Variants in LMF1 observed in about 807,000 individuals in gnomAD.
The protein encoded by LMF1 is lipase maturation factor 1, also known as transmembrane protein 112.
Under a neutral mutation model 60.6 loss-of-function variants are expected in LMF1, and 68 were observed. The observed-to-expected ratio is 1.12, with a 90% CI of 0.92 to 1.37. The LOEUF (loss-of-function observed/expected upper bound fraction) is 1.37. Ranked by LOEUF, LMF1 falls within the 40% of genes most tolerant of loss-of-function variation. The probability of loss-of-function intolerance (pLI) is 0.00; values close to 1 mark genes in which losing one functional copy is unlikely to be tolerated. For missense variants in LMF1, 948 were observed against 767.2 expected (o/e 1.24, Z -2.78); for synonymous variants, 418 against 324.7 (o/e 1.29, Z -3.09).
At chr16:912,531 G>T (rs1445986739) in intron 3 of LMF1, among the ~76,000 whole-genome samples, 2 of 152,234 alleles carry the variant, frequency 1.3e-5, no homozygotes, top group Non-Finnish European at 2.9e-5. Context: ...AAGCAGATCG[G>T]CGTGAGTGGA....
rs1414737004 is a variant in LMF1 at position 854,559 on chromosome 16, A to G, written c.1677T>C (p.Arg559=). ...LEELRPYFRD[R]GWPLPGPL ...AGAGGGGCCCGGGCAGAGGCCACCC[A>G]CGGTCCCTGAAGTAGGGCCTCAGCT... Residue 559 remains arginine (R), a synonymous_variant, in exon 11 of 11, where the codon CGT becomes CGC. Coordinates refer to ENST00000262301, the MANE Select transcript of LMF1 (RefSeq NM_022773.4). The G allele has an allele frequency of 2.5e-6, 4 of 1,608,480 alleles. No individual in the cohort carries two copies. Among genetic ancestry groups the G allele is most frequent in the South Asian group, 1.1e-5 (1 of 90,548 alleles).
chr16:873,796 T>C (rs1051687849), intron 6 of LMF1: 1 of 152,476 alleles, frequency 6.6e-6, no homozygotes, highest in African/African-American at 2.4e-5. Flanking sequence ...TGCTGAGGTC[T>C]AACACCAGTC....
At chr16:943,786 T>C (rs1265377480) in intron 2 of LMF1, among the ~76,000 whole-genome samples, 2 of 151,222 alleles carry the variant, frequency 1.3e-5, no homozygotes, top group Non-Finnish European at 2.9e-5. Context: ...TGTGTATCTG[T>C]AATGGCTGCC....
chr16:966,098 G>A (rs148600370), intron 1 of LMF1, among the ~76,000 whole-genome samples: 14 of 152,242 alleles, frequency 9.2e-5, no homozygotes, highest in South Asian at 2.1e-4. Context: ...GAAGGGTGTC[G>A]GCAGCCACGG....
At chr16:867,826 T>C (rs2069655253) in intron 10 of LMF1, among the ~76,000 whole-genome samples, 1 of 152,122 alleles carries the variant, frequency 6.6e-6, no homozygotes, top group Non-Finnish European at 1.5e-5. Flanking sequence ...AAGCATCGCT[T>C]GGCCGGGAGC....
Position 953,389 on chromosome 16 carries a change from C to T in LMF1, c.503+968G>A, listed in dbSNP as rs184330335. 1.0e-3 allele frequency among the ~76,000 whole-genome samples: 48 copies of T among 46,708 alleles called. 1 individual carries two copies. The highest frequency in any genetic ancestry group is 4.4e-3 in the East Asian group (6 of 1,362). 30.6% of individuals were successfully genotyped at this position (46,708 alleles called of 152,430 possible). A position where few individuals can be genotyped will look rare whatever the true frequency, so the allele number is the denominator to read the frequency against. ...GACCCCAAACCAGCCTCCTACACGT[C>T]CACACAGACACCCACCCCAAACCAG... On this transcript the variant is annotated intron_variant, in intron 2 of 10. Coordinates refer to ENST00000262301, the MANE Select transcript of LMF1 (RefSeq NM_022773.4).
intron 2 of LMF1, among the ~76,000 whole-genome samples, chr16:948,331 ACGACAGAG>A (rs2072306211): frequency 6.7e-6 from 1 of 148,868 alleles, no homozygotes; most frequent in African/African-American, 2.5e-5. Context: ...GTCAGAGACA[ACGACAGAG>A]TCAGAGCCAA....
intron 10 of LMF1, among the ~76,000 whole-genome samples, chr16:857,346 CAGCCG>C (rs1555438743): frequency 6.6e-6 from 1 of 152,274 alleles, no homozygotes; most frequent in Non-Finnish European, 1.5e-5. Context: ...CTCCCAGCAA[CAGCCG>C]AGTGACTCGA....
intron 10 of LMF1, among the ~76,000 whole-genome samples, chr16:861,559 T>C (rs889113050): frequency 1.3e-5 from 2 of 152,026 alleles, no homozygotes; most frequent in South Asian, 4.1e-4. Flanking sequence ...AGGGTTTCTC[T>C]ATGTTAGGCT....
At chr16:901,208 C>T (rs2070803113) in intron 4 of LMF1, 1 of 152,276 alleles carries the variant, frequency 6.6e-6, no homozygotes, top group South Asian at 2.1e-4. Context: ...AACAAGGACC[C>T]TGGCTCAATT....
At chr16:970,490 T>C (rs552578999) in intron 1 of LMF1, among the ~76,000 whole-genome samples, 5 of 152,170 alleles carry the variant, frequency 3.3e-5, no homozygotes, top group East Asian at 2.0e-4. Flanking sequence ...CCGCCTCGCA[T>C]AGCCCCGAGC....
chr16:861,080 C>T (rs575371086), intron 10 of LMF1, among the ~76,000 whole-genome samples: 5 of 152,228 alleles, frequency 3.3e-5, no homozygotes, highest in South Asian at 4.1e-4. Flanking sequence ...GTCATCTCCA[C>T]GTTGTTGTAT....
At chr16:934,480 C>A in intron 2 of LMF1, 1 of 579,222 alleles carries the variant, frequency 1.7e-6, no homozygotes. Context: ...TTCCAAGATA[C>A]ACCTACTAAG....
chr16:870,670 G>C, intron 8 of LMF1, 59 bp downstream of exon 8: 2 of 1,590,144 alleles, frequency 1.3e-6, no homozygotes, highest in Non-Finnish European at 1.7e-6. Flanking sequence ...AATGTGGCTG[G>C]TCAGGGCTGA....
chr16:871,436 A>C, intron 6 of LMF1, 95 bp from the exon 7 acceptor site: 257 of 1,122,462 alleles, frequency 2.3e-4, no homozygotes, highest in Non-Finnish European at 3.0e-4. Context: ...GGGGGGAGGG[A>C]ACCTGCACCC....
upstream of LMF1, among the ~76,000 whole-genome samples, chr16:972,771 CTT>C (rs1314076882): frequency 2.0e-5 from 3 of 152,274 alleles, no homozygotes; most frequent in Non-Finnish European, 4.4e-5. Context: ...AAAAGGGCCT[CTT>C]GTTCCAGCTT....
intron 3 of LMF1, among the ~76,000 whole-genome samples, chr16:914,268 C>T (rs1249482977): frequency 6.6e-6 from 1 of 152,092 alleles, no homozygotes; most frequent in Non-Finnish European, 1.5e-5. Flanking sequence ...AGGGGGACTG[C>T]AGGTTGCTTC....
chr16:858,425 G>GC (rs201696424), intron 10 of LMF1, among the ~76,000 whole-genome samples: 4 of 43,466 alleles, frequency 9.2e-5, no homozygotes, highest in South Asian at 1.2e-3. Context: ...GGACGGGTGT[G>GC]AGTGGTGTCA....
chr16:973,330 G>A (rs369483254), upstream of LMF1, among the ~76,000 whole-genome samples: 10 of 152,306 alleles, frequency 6.6e-5, no homozygotes, highest in East Asian at 1.7e-3. Flanking sequence ...GGGCCACAGA[G>A]CGAGACTCTG....
Sources: allele counts gnomAD v4.1 joint callset (sites outside exome capture counted in the v4.1 genomes callset), GRCh38; gene constraint gnomAD v4.1.1; transcripts MANE v1.5; gene names NCBI Gene and HGNC (gene_info 2026-07-23, HGNC 2026-07-21).